Variants in ROCK1 observed in about 807,000 individuals in gnomAD.
ROCK1 encodes rho-associated protein kinase 1.
ROCK1 carries 36 observed loss-of-function variants against 196.8 expected under a neutral mutation model. The ratio of observed to expected loss-of-function variants is 0.18; its 90% confidence interval spans 0.14 to 0.24. The LOEUF (loss-of-function observed/expected upper bound fraction) is 0.24, where lower values mean the gene tolerates loss of function less well. Ranked by LOEUF, ROCK1 falls within the 10% of genes least tolerant of loss-of-function variation. The probability of loss-of-function intolerance (pLI) is 1.00; values close to 1 mark genes in which losing one functional copy is unlikely to be tolerated. For missense variants in ROCK1, 920 were observed against 1,562.0 expected (o/e 0.59, Z 6.93); for synonymous variants, 443 against 515.9 (o/e 0.86, Z 1.91).
At chr18:21,042,824 A>G in intron 6 of ROCK1, 115 bp from the exon 7 acceptor site, 1 of 1,025,178 alleles carries the variant, frequency 9.8e-7, no homozygotes, top group South Asian at 1.7e-5. Context: ...ATAAAATATC[A>G]TATATTAAAA....
rs2035170552 is a variant in ROCK1 at position 20,950,108 on chromosome 18, C to G, written c.*1276G>C. Reference sequence around the variant, plus strand: ...TTGGTTAAAAAAATAAACAATAAATCATACTGTCCATATGAATCAACTCTT... The same window carrying G: ...TTGGTTAAAAAAATAAACAATAAATGATACTGTCCATATGAATCAACTCTT... On this transcript the variant is annotated 3_prime_UTR_variant, in exon 33 of 33. Coordinates refer to ENST00000399799, the MANE Select transcript of ROCK1 (RefSeq NM_005406.3). 6.5e-6 allele frequency: 1 copy of G among 152,736 alleles called. No individual in the cohort carries two copies. Among genetic ancestry groups the G allele is most frequent in the African/African-American group, 2.4e-5 (1 of 41,550 alleles). The allele number at this position is 152,736 out of a possible 1,614,324, so 9.5% of individuals were successfully genotyped here.
chr18:20,988,380 A>G (rs2035595050), intron 18 of ROCK1, among the ~76,000 whole-genome samples: 2 of 151,736 alleles, frequency 1.3e-5, no homozygotes, highest in South Asian at 4.1e-4. Flanking sequence ...TTTCTATCCA[A>G]TTCATCACTC....
chr18:21,108,596 G>A (rs1301908340), intron 1 of ROCK1, among the ~76,000 whole-genome samples: 8 of 151,986 alleles, frequency 5.3e-5, no homozygotes, highest in Non-Finnish European at 1.0e-4. Context: ...TATAATCCAG[G>A]CTCAACCTCT....
At chr18:21,028,577 T>C (rs1363301572) in intron 10 of ROCK1, among the ~76,000 whole-genome samples, 199 bp downstream of exon 10, 1 of 152,062 alleles carries the variant, frequency 6.6e-6, no homozygotes, top group Non-Finnish European at 1.5e-5. Context: ...AGCAAAAAAA[T>C]TTTGAAAAAC....
rs543341715 is a variant in ROCK1 at position 21,065,276 on chromosome 18, T to C, written c.175+5256A>G. On this transcript the variant is annotated intron_variant, in intron 2 of 32. Coordinates refer to ENST00000399799, the MANE Select transcript of ROCK1 (RefSeq NM_005406.3). ...CCAAAAATTTACCAACTGTACTGTA[T>C]GCTTTTATCACTACCATAGCTATTA... Among the ~76,000 whole-genome samples the C allele has an allele frequency of 2.0e-5, 3 of 152,324 alleles. No homozygotes were observed. In the East Asian group the frequency reaches 5.8e-4, roughly 29 times the overall value.
intron 13 of ROCK1, among the ~76,000 whole-genome samples, chr18:21,014,127 A>G (rs1429070532): frequency 6.6e-6 from 1 of 151,090 alleles, no homozygotes; most frequent in East Asian, 1.9e-4. Context: ...GGCTGAAAAG[A>G]GCAGTGATAG....
rs1187303844 is a variant in ROCK1 at position 21,049,874 on chromosome 18, T to C, written c.182A>G (p.Asp61Gly). 2 of 1,560,240 alleles carry C rather than the reference T, an allele frequency of 1.3e-6. No individual in the cohort carries two copies. Among genetic ancestry groups the C allele is most frequent in the African/African-American group, 1.4e-5 (1 of 73,040 alleles). The change falls in exon 3 of 33, where the codon GAC (aspartate) becomes GGC (glycine). Residue 61 changes from aspartate to glycine, a missense_variant. By Grantham distance (94) the Asp-to-Gly change is moderately conservative (BLOSUM62 -1). Coordinates refer to ENST00000399799, the MANE Select transcript of ROCK1 (RefSeq NM_005406.3). ...NIDNFLSRYK[D>G]TINKIRDLRM... ...TAAATCTCTGATTTTATTTATTGTG[T>C]CTTTATCTGTATGAAAAGAAAAGTT...
intron 4 of ROCK1, 44 bp from the exon 5 acceptor site, chr18:21,045,511 AAAC>A (rs771168342): frequency 2.8e-6 from 4 of 1,430,888 alleles, no homozygotes; most frequent in African/African-American, 1.5e-5. Context: ...CATTAATGTT[AAAC>A]AAAATTGTTT....
At chr18:20,978,518 G>A (rs2035501215) in intron 22 of ROCK1, among the ~76,000 whole-genome samples, 1 of 152,168 alleles carries the variant, frequency 6.6e-6, no homozygotes, top group Non-Finnish European at 1.5e-5. Context: ...TAGTACATCT[G>A]AGGAACTAAG....
intron 2 of ROCK1, among the ~76,000 whole-genome samples, chr18:21,067,411 A>C (rs1243249446): frequency 3.0e-4 from 44 of 145,290 alleles, no homozygotes; most frequent in Non-Finnish European, 4.2e-4. Context: ...TTTTGAGACA[A>C]AGTCTTGCTC....
rs140066512 is a variant in ROCK1, at chr18:20,971,100, T to C, written c.2655-587A>G. Among the ~76,000 whole-genome samples, 133 of 152,256 alleles carry C rather than the reference T, an allele frequency of 8.7e-4. No homozygotes were observed. The Middle Eastern group carries it at 0.01, about 12-fold the overall frequency. On this transcript the variant is annotated intron_variant, in intron 22 of 32. Transcript: ENST00000399799. ...ATACTAAAACATTTCAGAACTGACATTCAGACCAAGACAACTCCAGTTTGC... is the reference window on the plus strand; with the variant it reads ...ATACTAAAACATTTCAGAACTGACACTCAGACCAAGACAACTCCAGTTTGC...
chr18:20,991,142 T>A, intron 18 of ROCK1, 34 bp downstream of exon 18: 9 of 1,551,222 alleles, frequency 5.8e-6, no homozygotes, highest in African/African-American at 1.4e-5. Flanking sequence ...CTATTTAAAG[T>A]CAATTTTGTA....
At position 20,995,701 on chromosome 18, in the gene ROCK1, G is replaced by A. The variant is rs144578037; in HGVS notation, c.1886-2764C>T. On this transcript the variant is annotated intron_variant, in intron 16 of 32. Transcript: ENST00000399799. ...TCCCCACCCTCTCCCTGGCAGCTCAGCGCAGAGAGACTCCATTTGTTTGGG... is the reference window on the plus strand; with the variant it reads ...TCCCCACCCTCTCCCTGGCAGCTCAACGCAGAGAGACTCCATTTGTTTGGG... Among the ~76,000 whole-genome samples the A allele has an allele frequency of 6.4e-3, 976 of 152,258 alleles. 8 individuals carry two copies. The highest frequency in any genetic ancestry group is 0.01 in the Middle Eastern group (3 of 292).
chr18:21,055,673 C>A (rs1048315659), intron 2 of ROCK1, among the ~76,000 whole-genome samples: 3 of 152,110 alleles, frequency 2.0e-5, no homozygotes, highest in African/African-American at 7.2e-5. Context: ...CCCCTCCTAA[C>A]CGGATCCCAC....
intron 10 of ROCK1, among the ~76,000 whole-genome samples, chr18:21,027,143 T>C (rs1027000433): frequency 1.3e-5 from 2 of 152,160 alleles, no homozygotes; most frequent in Non-Finnish European, 2.9e-5. Context: ...TTCACCACAT[T>C]GGCCAGGCTA....
At position 20,961,661 on chromosome 18, in the gene ROCK1, T is replaced by C. The variant is rs144047594; in HGVS notation, c.3353-1455A>G. 1.7e-3 allele frequency among the ~76,000 whole-genome samples: 255 copies of C among 152,236 alleles called. 1 individual carries two copies. Among genetic ancestry groups the C allele is most frequent in the African/African-American group, 5.9e-3 (246 of 41,546 alleles). ...ACAAGCTCTGCAGTTGACTGAATTG[T>C]GGGAAATATTTTTTTCCCCTACTCC... On this transcript the variant is annotated intron_variant, in intron 27 of 32. Coordinates refer to ENST00000399799, the MANE Select transcript of ROCK1 (RefSeq NM_005406.3).
chr18:21,052,819 A>C (rs1478962471), intron 2 of ROCK1, among the ~76,000 whole-genome samples: 4 of 152,168 alleles, frequency 2.6e-5, no homozygotes, highest in Admixed American at 2.6e-4. Flanking sequence ...TCCTGTCCAT[A>C]GAAACACTGT....
chr18:21,038,288 A>G (rs1256283608), intron 9 of ROCK1, among the ~76,000 whole-genome samples: 1 of 152,172 alleles, frequency 6.6e-6, no homozygotes, highest in Non-Finnish European at 1.5e-5. Flanking sequence ...ATTTCCTAGT[A>G]TATAATTGCT....
At chr18:20,986,839 T>C in intron 19 of ROCK1, 111 bp downstream of exon 19, 1 of 963,976 alleles carries the variant, frequency 1.0e-6, no homozygotes, top group East Asian at 2.5e-5. Context: ...CCATGTCAAT[T>C]ATTTCATTCA....
Sources: allele counts gnomAD v4.1 joint callset (sites outside exome capture counted in the v4.1 genomes callset), GRCh38; gene constraint gnomAD v4.1.1; transcripts MANE v1.5; gene names NCBI Gene and HGNC (gene_info 2026-07-23, HGNC 2026-07-21).